AQP7: variants seen among roughly 807,000 people sequenced by gnomAD.
The protein encoded by AQP7 is aquaporin-7.
A neutral mutation model predicts 26.1 loss-of-function variants in AQP7; 22 were observed. The observed-to-expected ratio is 0.84, with a 90% CI of 0.60 to 1.20. AQP7 has a LOEUF of 1.20. Ranked by LOEUF, AQP7 falls within the 50% of genes most tolerant of loss-of-function variation. The pLI, the probability that AQP7 is intolerant of heterozygous loss-of-function variation, is 0.00. For synonymous variants in AQP7, 167 were observed against 181.7 expected, an observed-to-expected ratio of 0.92 and a Z score of 0.65; for missense variants, 412 against 457.5, an observed-to-expected ratio of 0.90 and a Z score of 0.91.
intron 2 of AQP7, among the ~76,000 whole-genome samples, chr9:33,398,476 G>A (rs560551895): frequency 1.2e-4 from 19 of 152,342 alleles, no homozygotes; most frequent in Admixed American, 3.9e-4. Context: ...GAGAAGTGGC[G>A]GCAGCCTGAG....
At chr9:33,393,989 C>G (rs1366888602) in intron 3 of AQP7, 1 of 152,398 alleles carries the variant, frequency 6.6e-6, no homozygotes, top group African/African-American at 2.4e-5. Context: ...TTTCTGTACA[C>G]TGTCTCTGGA....
At chr9:33,385,579 C>G in intron 7 of AQP7, 70 bp downstream of exon 7, 1 of 1,558,632 alleles carries the variant, frequency 6.4e-7, no homozygotes, top group East Asian at 2.2e-5. Context: ...CCTCACATCA[C>G]CCCCCACCCC....
At position 33,386,535 on chromosome 9, in the gene AQP7, T is replaced by C. The variant is rs767970054; in HGVS notation, c.275A>G (p.His92Arg). Residue 92 changes from histidine (H) to arginine (R), a missense_variant, in exon 5 of 8, where the codon CAC becomes CGC. Physicochemically the swap from His to Arg is conservative, Grantham distance 29. Transcript: ENST00000297988. ...VHVAGRISGA[H>R]MNAAVTFANC... Reference sequence around the variant, plus strand: ...AGCAAAGGTCACAGCTGCGTTCATGTGGGCTCCTGCGGGCAGCAGGCAAGT... The same window carrying C: ...AGCAAAGGTCACAGCTGCGTTCATGCGGGCTCCTGCGGGCAGCAGGCAAGT... The C allele has an allele frequency of 1.2e-6, 2 of 1,611,860 alleles. No homozygotes were observed. Among genetic ancestry groups the C allele is most frequent in the Non-Finnish European group, 8.5e-7 (1 of 1,178,972 alleles).
intron 3 of AQP7, chr9:33,394,352 T>A (rs1825666722): frequency 6.6e-6 from 1 of 152,374 alleles, no homozygotes; most frequent in African/African-American, 2.4e-5. Context: ...TGCTCCACAC[T>A]GCACCCAAAA....
rs1400581957 is a variant in AQP7, at chr9:33,390,578, G to A, written c.145-3486C>T. Among the ~76,000 whole-genome samples the A allele has an allele frequency of 3.3e-5, 5 of 152,148 alleles. No homozygotes were observed. In the East Asian group the frequency reaches 7.7e-4, roughly 23 times the overall value. The stretch of plus-strand genomic sequence containing the variant: ...GAGGCAGCTGAGCAGGGCCCACTGG[G>A]TCCCTCAGAAGCCCCAGGACAGAAG... On this transcript the variant is annotated intron_variant, in intron 3 of 7. Transcript: ENST00000297988.
In AQP7 at chr9:33,384,791, C is replaced by G. The variant is rs1824583304; in HGVS notation, c.*214G>C. The G allele has an allele frequency of 5.1e-6, 3 of 582,884 alleles. No homozygotes were observed. 36.1% of individuals were successfully genotyped at this position (582,884 alleles called of 1,614,324 possible). ...TTCCTACTGAGGGCGCAGGTCATCT[C>G]TTCCCCATTCTCCCCCTGGGGCACC... On this transcript the variant is annotated 3_prime_UTR_variant, in exon 8 of 8. Transcript: ENST00000297988.
Position 33,385,656 on chromosome 9 carries a change from C to T in AQP7, c.736G>A (p.Val246Ile), listed in dbSNP as rs778376340. The change falls in exon 7 of 8, where the codon GTC (valine) becomes ATC (isoleucine). Residue 246 changes from valine (V) to isoleucine (I), a missense_variant. By Grantham distance (29) the Val-to-Ile change is conservative. Coordinates refer to ENST00000297988, the MANE Select transcript of AQP7 (RefSeq NM_001170.3). ...CCTGGGCAGGGGCAGTACCTGAAGA[C>T]CTGTTTGCCCCAACCAGCAATGAAG... Reference protein sequence around the residue: ...FTFIAGWGKQVFSNGENWWWV... With the variant: ...FTFIAGWGKQIFSNGENWWWV... The T allele has an allele frequency of 1.2e-6, 2 of 1,613,524 alleles. No homozygotes were observed. The highest frequency in any genetic ancestry group is 1.1e-5 in the South Asian group (1 of 91,048).
intron 2 of AQP7, among the ~76,000 whole-genome samples, chr9:33,396,300 T>C (rs955075302): frequency 6.6e-6 from 1 of 152,068 alleles, no homozygotes; most frequent in African/African-American, 2.4e-5. Context: ...TAGCCAGGCA[T>C]GATGGCGCAT....
rs1379520854 is a variant in AQP7 at position 33,401,229 on chromosome 9, G to T, written c.26+8C>A. On this transcript the variant is annotated splice_region_variant and intron_variant, in intron 2 of 7. Coordinates refer to ENST00000297988, the MANE Select transcript of AQP7 (RefSeq NM_001170.3). ...GGCTGGAGGGTGAGAAGAGGGTGGG[G>T]TACTTACCGCCTGTGCCCGGATGCT... The T allele has an allele frequency of 1.3e-6, 2 of 1,548,542 alleles. No individual in the cohort carries two copies. Among genetic ancestry groups the T allele is most frequent in the Admixed American group, 2.0e-5 (1 of 50,978 alleles).
chr9:33,400,266 A>G (rs545696819), intron 2 of AQP7, among the ~76,000 whole-genome samples: 21 of 152,098 alleles, frequency 1.4e-4, no homozygotes, highest in Admixed American at 7.2e-4. Context: ...ACCAGCTCCT[A>G]CGGAAAAAAA....
In AQP7 at chr9:33,395,028, T is replaced by G. The variant is rs550440525; in HGVS notation, c.144+50A>C. The G allele has an allele frequency of 3.9e-6, 6 of 1,520,730 alleles. No individual in the cohort carries two copies. The African/African-American group carries it at 8.2e-5, about 21-fold the overall frequency. 94.2% of individuals were successfully genotyped at this position (1,520,730 alleles called of 1,614,324 possible). A position where few individuals can be genotyped will look rare whatever the true frequency, so the allele number is the denominator to read the frequency against. ...TGGGGTCAGCATGGGGAGGGGGTCA[T>G]GGACGGCCCTGGCGGAGCCCCACCC... is the stretch of plus-strand genomic sequence containing the variant. On this transcript the variant is annotated intron_variant, in intron 3 of 7. Transcript: ENST00000297988.
At chr9:33,388,212 GCT>G (rs907541830) in intron 3 of AQP7, among the ~76,000 whole-genome samples, 2 of 152,030 alleles carry the variant, frequency 1.3e-5, no homozygotes, top group Non-Finnish European at 2.9e-5. Flanking sequence ...GGCGTCTCAG[GCT>G]CTGTTGAAGG....
chr9:33,385,276 C>A lies in AQP7; in HGVS notation c.758G>T (p.Trp253Leu), dbSNP rs769128601. 4 of 1,610,424 alleles carry A rather than the reference C, an allele frequency of 2.5e-6. No homozygotes were observed. The highest frequency in any genetic ancestry group is 3.4e-6 in the Non-Finnish European group (4 of 1,179,040). Residue 253 changes from tryptophan to leucine, a missense_variant, in exon 8 of 8, where the codon TGG (tryptophan) becomes TTG (leucine). Physicochemically the swap from Trp to Leu is moderately conservative, Grantham distance 61. Coordinates refer to ENST00000297988, the MANE Select transcript of AQP7 (RefSeq NM_001170.3). Reference sequence around the variant, plus strand: ...TGGTGCCACCACTGGCACCCACCACCAGTTCTCCCCATTGCTGCAGGCAAG... The same window carrying A: ...TGGTGCCACCACTGGCACCCACCACAAGTTCTCCCCATTGCTGCAGGCAAG... ...GKQVFSNGEN[W>L]WWVPVVAPLL... is the part of the protein sequence containing the mutation.
intron 4 of AQP7, among the ~76,000 whole-genome samples, chr9:33,386,750 C>T (rs1159025614): frequency 6.6e-6 from 1 of 152,206 alleles, no homozygotes; most frequent in Admixed American, 6.5e-5. Context: ...GATGGCTTGC[C>T]TAAGATGACC....
chr9:33,385,387 C>T, intron 7 of AQP7, 97 bp from the exon 8 acceptor site: 1 of 1,379,052 alleles, frequency 7.3e-7, no homozygotes, highest in Non-Finnish European at 9.9e-7. Flanking sequence ...AGGAGTCATC[C>T]CCAGGCTACC....
chr9:33,387,568 C>G (rs1046408877), intron 3 of AQP7, among the ~76,000 whole-genome samples: 20 of 152,150 alleles, frequency 1.3e-4, no homozygotes, highest in Admixed American at 6.5e-5. Context: ...GCAATTCCCA[C>G]AATGCTGGAA....
intron 3 of AQP7, among the ~76,000 whole-genome samples, chr9:33,389,617 G>A (rs1825191563): frequency 6.6e-6 from 1 of 152,162 alleles, no homozygotes; most frequent in Non-Finnish European, 1.5e-5. Context: ...CAGATGGCTT[G>A]TATTGTATTT....
intron 3 of AQP7, among the ~76,000 whole-genome samples, chr9:33,387,397 G>A (rs2890557): frequency 1.8e-4 from 27 of 152,094 alleles, no homozygotes; most frequent in Non-Finnish European, 3.2e-4. Flanking sequence ...GGTGAGGCAG[G>A]GCTGCGAGGA....
chr9:33,398,264 T>G, intron 2 of AQP7, among the ~76,000 whole-genome samples: 1 of 147,534 alleles, frequency 6.8e-6, no homozygotes, highest in African/African-American at 2.5e-5. Context: ...CACGGAGGAG[T>G]GGAGGTGGCA....
Sources: gnomAD v4.1 joint callset for allele counts (sites outside exome capture counted in the v4.1 genomes callset) on GRCh38, gnomAD v4.1.1 for gene constraint, MANE v1.5 for transcripts, NCBI Gene and HGNC (gene_info 2026-07-23, HGNC 2026-07-21) for gene names.